KANSL1: variants seen among roughly 807,000 people sequenced by gnomAD.
The protein encoded by KANSL1 is KAT8 regulatory NSL complex subunit 1, also known as MLL1/MLL complex subunit KANSL1.
Under a neutral mutation model 103.6 loss-of-function variants are expected in KANSL1, and 22 were observed. The ratio of observed to expected loss-of-function variants is 0.21; its 90% CI spans 0.15 to 0.30. The LOEUF (loss-of-function observed/expected upper bound fraction) is 0.30. KANSL1 is among the 10% of genes least tolerant of loss of function. The pLI, the probability that KANSL1 is intolerant of heterozygous loss-of-function variation, is 1.00. For synonymous variants in KANSL1, 600 were observed against 527.6 expected (o/e 1.14, Z -1.88); for missense variants, 1,337 against 1,399.8 (o/e 0.96, Z 0.72).
chr17:46,053,511 C>T (rs537193475), intron 6 of KANSL1, among the ~76,000 whole-genome samples: 2 of 151,438 alleles, frequency 1.3e-5, no homozygotes, highest in Non-Finnish European at 2.9e-5. Context: ...TGCAGTGGCG[C>T]AAGTCTGCCT....
intron 7 of KANSL1, among the ~76,000 whole-genome samples, chr17:46,047,610 C>T (rs192493428): frequency 1.9e-4 from 29 of 151,926 alleles, no homozygotes; most frequent in African/African-American, 6.5e-4. Flanking sequence ...ATAGCAAGAC[C>T]CCATCTTTGT....
chr17:46,166,635 T>C (rs2046016369), intron 2 of KANSL1, among the ~76,000 whole-genome samples: 1 of 152,206 alleles, frequency 6.6e-6, no homozygotes, highest in Non-Finnish European at 1.5e-5. Context: ...AACCCTGATC[T>C]GAAACAGACT....
intron 1 of KANSL1, among the ~76,000 whole-genome samples, chr17:46,213,288 T>TTG (rs2048222244): frequency 5.3e-5 from 8 of 151,090 alleles, no homozygotes; most frequent in African/African-American, 1.7e-4. Flanking sequence ...TTATTTGTTT[T>TTG]TTGTTGTTGT....
chr17:46,130,967 T>C (rs6503458), intron 2 of KANSL1, among the ~76,000 whole-genome samples: 3,938 of 152,296 alleles, frequency 0.026, 172 homozygotes, highest in African/African-American at 0.09. Context: ...CTTAGTAAAC[T>C]GACAAATGTT....
intron 2 of KANSL1, among the ~76,000 whole-genome samples, chr17:46,114,045 C>T (rs1034980203): frequency 1.3e-5 from 2 of 152,100 alleles, no homozygotes; most frequent in Non-Finnish European, 2.9e-5. Flanking sequence ...ACTGTCAAAC[C>T]GTTAAAGCAA....
chr17:46,171,361 G>T lies in KANSL1; in HGVS notation c.783C>A (p.Val261=), dbSNP rs1555575518. Residue 261 remains valine, a synonymous_variant, in exon 2 of 15, where the codon GTC becomes GTA. Coordinates refer to ENST00000432791, the MANE Select transcript of KANSL1 (RefSeq NM_015443.4). ...GTDSSSNLGG[V]KLEGKKSPLS... is the part of the protein sequence containing the mutation. ...GGGGAGACTTTTTACCCTCCAATTT[G>T]ACACCCCCCAAGTTAGAGCTGGAGT... 2 of 1,614,046 alleles carry T rather than the reference G, an allele frequency of 1.2e-6. No homozygotes were observed. Among genetic ancestry groups the T allele is most frequent in the African/African-American group, 2.7e-5 (2 of 74,900 alleles).
intron 2 of KANSL1, among the ~76,000 whole-genome samples, chr17:46,098,505 T>G (rs2042174242): frequency 6.6e-6 from 1 of 152,262 alleles, no homozygotes; most frequent in Admixed American, 6.5e-5. Context: ...ACATTTTAGT[T>G]CGCAAGAACT....
At chr17:46,105,947 ACCCC>A (rs67725690) in intron 2 of KANSL1, among the ~76,000 whole-genome samples, 1,087 of 57,828 alleles carry the variant, frequency 0.019, 21 homozygotes, top group South Asian at 0.061. Context: ...ACACACACAC[ACCCC>A]CCCAGAAGGG....
chr17:46,059,967 C>T (rs1308251881), intron 6 of KANSL1, among the ~76,000 whole-genome samples: 1 of 152,034 alleles, frequency 6.6e-6, no homozygotes, highest in Non-Finnish European at 1.5e-5. Flanking sequence ...CAAACAACAA[C>T]AACAAAAAAT....
At position 46,096,311 on chromosome 17, in the gene KANSL1, C is replaced by CTTTTTTTTT. The variant is rs71138525; in HGVS notation, c.1290-1619_1290-1611dup. Among the ~76,000 whole-genome samples the CTTTTTTTTT allele has an allele frequency of 4.9e-3, 373 of 76,040 alleles. 1 individual carries two copies. Among genetic ancestry groups the CTTTTTTTTT allele is most frequent in the African/African-American group, 5.5e-3 (98 of 17,830 alleles). The allele number at this position is 76,040 out of a possible 152,430, so 49.9% of individuals were successfully genotyped here. Reference sequence around the variant, plus strand: ...CATACTACATACCTGGCTTTTTTTTCTTTTTTTTTTTTTTTTTTTTTGAGA... The same window carrying CTTTTTTTTT: ...CATACTACATACCTGGCTTTTTTTTCTTTTTTTTTTTTTTTTTTTTTTTTTTTTTTGAGA... On this transcript the variant is annotated intron_variant, in intron 2 of 14. Transcript: ENST00000432791.
intron 2 of KANSL1, among the ~76,000 whole-genome samples, chr17:46,156,233 G>C (rs1198586128): frequency 1.3e-5 from 2 of 152,188 alleles, no homozygotes; most frequent in Non-Finnish European, 2.9e-5. Flanking sequence ...TGTAATCCCA[G>C]CCACTTGGAA....
intron 2 of KANSL1, among the ~76,000 whole-genome samples, chr17:46,161,711 G>T (rs1013556146): frequency 1.3e-5 from 2 of 152,186 alleles, no homozygotes; most frequent in Non-Finnish European, 2.9e-5. Context: ...ATAAGAACAT[G>T]ATTTTAAATG....
intron 2 of KANSL1, among the ~76,000 whole-genome samples, chr17:46,115,766 C>T (rs1053937568): frequency 1.3e-5 from 2 of 152,216 alleles, no homozygotes; most frequent in Admixed American, 6.5e-5. Flanking sequence ...AATACTAAGG[C>T]ATTTAAAAAA....
At chr17:46,045,383 A>G (rs1345347133) in intron 7 of KANSL1, 1 of 151,160 alleles carries the variant, frequency 6.6e-6, no homozygotes, top group African/African-American at 2.4e-5. Flanking sequence ...AGGTCAACCA[A>G]CTGAGGTGTA....
At chr17:46,049,240 CTTTTTTTTTTTTTTTT>C (rs34418861) in intron 7 of KANSL1, among the ~76,000 whole-genome samples, 6 of 75,796 alleles carry the variant, frequency 7.9e-5, no homozygotes, top group African/African-American at 2.2e-4. Flanking sequence ...CATCCAAGAC[CTTTTTTTTTTTTTTTT>C]TTTTTTTTTG....
rs62060784 is a variant in KANSL1 at position 46,058,765 on chromosome 17, T to A, written c.1848+7772A>T. ...CACACTCTCTCTCTCTCTCTCTCTC[T>A]CTCTCTCTCTCTCTCTCTCTCTCTC... On this transcript the variant is annotated intron_variant, in intron 6 of 14. Transcript: ENST00000432791. Among the ~76,000 whole-genome samples the A allele has an allele frequency of 3.3e-4, 45 of 134,420 alleles. No homozygotes were observed. In the South Asian group the frequency reaches 4.0e-3, roughly 12 times the overall value. The allele number at this position is 134,420 out of a possible 152,430, so 88.2% of individuals were successfully genotyped here.
chr17:46,170,394 GGT>G (rs2046222297), intron 2 of KANSL1: 1 of 170,310 alleles, frequency 5.9e-6, no homozygotes, highest in African/African-American at 2.4e-5. Flanking sequence ...TTGAAGACTG[GGT>G]GTGCTCTCTG....
chr17:46,222,756 C>T (rs1368381451), intron 1 of KANSL1: 1 of 152,474 alleles, frequency 6.6e-6, no homozygotes, highest in Non-Finnish European at 1.5e-5. Flanking sequence ...AGCTAGTATC[C>T]TACTCTGAAG....
chr17:46,074,904 T>C (rs921396528), intron 4 of KANSL1, among the ~76,000 whole-genome samples: 1 of 152,158 alleles, frequency 6.6e-6, no homozygotes, highest in Admixed American at 6.5e-5. Flanking sequence ...TCATCACTAT[T>C]AGAAAGACAA....
Sources: gnomAD v4.1 joint callset for allele counts (sites outside exome capture counted in the v4.1 genomes callset) on GRCh38, gnomAD v4.1.1 for gene constraint, MANE v1.5 for transcripts, NCBI Gene and HGNC (gene_info 2026-07-23, HGNC 2026-07-21) for gene names.